The following NEDD4 variants were observed in gnomAD, a reference collection of about 807,000 sequenced individuals.
NEDD4 encodes the protein NEDD4 E3 ubiquitin protein ligase, also known as E3 ubiquitin-protein ligase NEDD4.
A neutral mutation model predicts 144.9 loss-of-function variants in NEDD4; 99 were observed. The ratio of observed to expected loss-of-function variants is 0.68; its 90% CI spans 0.58 to 0.81. NEDD4 has a LOEUF of 0.81. Ranked by LOEUF, NEDD4 falls within the 30% of genes least tolerant of loss-of-function variation. The pLI, the probability that NEDD4 is intolerant of heterozygous loss-of-function variation, is 0.00. For synonymous variants in NEDD4, 318 were observed against 350.6 expected (o/e 0.91, Z 1.04); for missense variants, 985 against 1,065.9 (o/e 0.92, Z 1.06).
At chr15:55,882,907 T>A (rs2035246346) in intron 5 of NEDD4, among the ~76,000 whole-genome samples, 1 of 152,170 alleles carries the variant, frequency 6.6e-6, no homozygotes, top group East Asian at 1.9e-4. Context: ...ATAGTATACA[T>A]CATGGGCCTT....
At position 55,877,402 on chromosome 15, in the gene NEDD4, G is replaced by A. The variant is rs1447973691; in HGVS notation, c.292-3394C>T. Among the ~76,000 whole-genome samples the A allele has an allele frequency of 2.0e-5, 3 of 152,124 alleles. No individual in the cohort carries two copies. In the South Asian group the frequency reaches 6.2e-4, roughly 32 times the overall value. On this transcript the variant is annotated intron_variant, in intron 5 of 28. Coordinates refer to ENST00000435532, the MANE Select transcript of NEDD4 (RefSeq NM_006154.4). ...CATTTTTTGCAAGAATACCATAAAG[G>A]TGATGCTTGTGCCCTTCTCAGTGCA...
At chr15:55,863,637 C>T (rs1444691269) in intron 8 of NEDD4, among the ~76,000 whole-genome samples, 4 of 151,982 alleles carry the variant, frequency 2.6e-5, no homozygotes, top group African/African-American at 4.8e-5. Flanking sequence ...TAAACAACCA[C>T]GGAAAGTTGG....
chr15:55,846,615 A>T (rs1319005490), intron 18 of NEDD4, among the ~76,000 whole-genome samples: 1 of 152,234 alleles, frequency 6.6e-6, no homozygotes, highest in Non-Finnish European at 1.5e-5. Flanking sequence ...CCGTCCTCCA[A>T]CACAGTCAAA....
intron 5 of NEDD4, among the ~76,000 whole-genome samples, chr15:55,877,050 A>G (rs1054384976): frequency 6.6e-6 from 1 of 152,120 alleles, no homozygotes; most frequent in African/African-American, 2.4e-5. Flanking sequence ...AATTGCAAAA[A>G]TACTGCGAGA....
chr15:55,979,112 A>G (rs1238580495), intron 1 of NEDD4, among the ~76,000 whole-genome samples: 1 of 151,674 alleles, frequency 6.6e-6, no homozygotes, highest in Non-Finnish European at 1.5e-5. Context: ...GAGTTTTTAT[A>G]CAAGCTGGAT....
intron 6 of NEDD4, among the ~76,000 whole-genome samples, chr15:55,873,105 T>A (rs2034862251): frequency 6.6e-6 from 1 of 152,176 alleles, no homozygotes; most frequent in East Asian, 1.9e-4. Flanking sequence ...TCTTAAATTC[T>A]CATGACATTA....
chr15:55,838,721 C>A, intron 21 of NEDD4, 117 bp from the exon 22 acceptor site: 2 of 634,272 alleles, frequency 3.2e-6, no homozygotes, highest in Admixed American at 2.8e-5. Flanking sequence ...AGATGGACAT[C>A]CTTTACTTAC....
At chr15:55,981,123 A>G (rs902521834) in intron 1 of NEDD4, among the ~76,000 whole-genome samples, 1 of 151,450 alleles carries the variant, frequency 6.6e-6, no homozygotes, top group Non-Finnish European at 1.5e-5. Context: ...ACTGCTCGCA[A>G]TGTCTACCTC....
Position 55,915,585 on chromosome 15 carries a change from A to G in NEDD4, c.291+9061T>C, listed in dbSNP as rs1338932495. Reference sequence around the variant, plus strand: ...TGGCAAACATGCAGATGTCCTATGCATGAGCTTAATATACTCTGAATCAGA... The same window carrying G: ...TGGCAAACATGCAGATGTCCTATGCGTGAGCTTAATATACTCTGAATCAGA... On this transcript the variant is annotated intron_variant, in intron 5 of 28. Coordinates refer to ENST00000435532, the MANE Select transcript of NEDD4 (RefSeq NM_006154.4). 18 of 1,613,994 alleles carry G rather than the reference A, an allele frequency of 1.1e-5. No individual in the cohort carries two copies. Among genetic ancestry groups the G allele is most frequent in the Non-Finnish European group, 1.5e-5 (18 of 1,179,896 alleles).
At chr15:55,874,051 A>C in intron 5 of NEDD4, 43 bp from the exon 6 acceptor site, 1 of 1,145,626 alleles carries the variant, frequency 8.7e-7, no homozygotes, top group Non-Finnish European at 1.3e-6. Context: ...AATACGCTCA[A>C]TTCCTTTAGA....
intron 5 of NEDD4, among the ~76,000 whole-genome samples, chr15:55,875,864 C>G (rs562931429): frequency 3.3e-5 from 5 of 151,852 alleles, no homozygotes; most frequent in African/African-American, 1.2e-4. Flanking sequence ...AAAAAACAGC[C>G]AAAATATTCA....
At chr15:55,856,672 A>G (rs1332576463) in intron 11 of NEDD4, among the ~76,000 whole-genome samples, 1 of 152,174 alleles carries the variant, frequency 6.6e-6, no homozygotes, top group Non-Finnish European at 1.5e-5. Flanking sequence ...GAAGTCAATG[A>G]CAACACAGAA....
chr15:55,865,074 T>C (rs2034539053), intron 8 of NEDD4, among the ~76,000 whole-genome samples: 1 of 151,506 alleles, frequency 6.6e-6, no homozygotes, highest in South Asian at 2.1e-4. Flanking sequence ...GGCGGGCGCC[T>C]GTAATCCCAG....
chr15:55,852,295 CA>C (rs1198530813), intron 13 of NEDD4, 128 bp downstream of exon 13: 14 of 1,124,868 alleles, frequency 1.2e-5, no homozygotes, highest in Non-Finnish European at 1.6e-5. Context: ...GACTCCATCT[CA>C]AAAAAATAAA....
intron 1 of NEDD4, among the ~76,000 whole-genome samples, chr15:55,980,837 G>C (rs1197723420): frequency 1.3e-5 from 2 of 152,020 alleles, no homozygotes; most frequent in East Asian, 1.9e-4. Context: ...CGCACTGAAT[G>C]GTTTTAAAGC....
At chr15:55,884,300 C>T (rs964479426) in intron 5 of NEDD4, among the ~76,000 whole-genome samples, 1 of 152,158 alleles carries the variant, frequency 6.6e-6, no homozygotes, top group Non-Finnish European at 1.5e-5. Context: ...CCTTTGAATA[C>T]CTGGAAAGCC....
At chr15:55,906,956 C>T (rs2036121490) in intron 5 of NEDD4, among the ~76,000 whole-genome samples, 1 of 151,794 alleles carries the variant, frequency 6.6e-6, no homozygotes, top group African/African-American at 2.4e-5. Context: ...ATTAGCCAGA[C>T]AGGTGGCACG....
intron 8 of NEDD4, among the ~76,000 whole-genome samples, chr15:55,864,463 C>T (rs1227267121): frequency 6.6e-6 from 1 of 151,874 alleles, no homozygotes; most frequent in African/African-American, 2.4e-5. Context: ...GGGCAGATCA[C>T]TTGAAGTAGG....
intron 5 of NEDD4, among the ~76,000 whole-genome samples, chr15:55,903,220 T>G (rs2035967351): frequency 6.6e-6 from 1 of 152,186 alleles, no homozygotes; most frequent in Non-Finnish European, 1.5e-5. Context: ...TTTTTCTTTC[T>G]GATGCTATTT....
Sources: allele counts gnomAD v4.1 joint callset (sites outside exome capture counted in the v4.1 genomes callset), GRCh38; gene constraint gnomAD v4.1.1; transcripts MANE v1.5; gene names NCBI Gene and HGNC (gene_info 2026-07-23, HGNC 2026-07-21).